POU2F1: variants seen among roughly 807,000 people sequenced by gnomAD.
The protein encoded by POU2F1 is POU class 2 homeobox 1.
In POU2F1, 16 loss-of-function variants were observed where a neutral mutation model predicts 84.9. The observed-to-expected ratio is 0.19, with a 90% confidence interval of 0.13 to 0.29. The LOEUF (loss-of-function observed/expected upper bound fraction) is 0.29, where lower values mean the gene tolerates loss of function less well. Ranked by LOEUF, POU2F1 falls within the 10% of genes least tolerant of loss-of-function variation. The pLI, the probability that POU2F1 is intolerant of heterozygous loss-of-function variation, is 1.00. For synonymous variants in POU2F1, 368 were observed against 368.3 expected, an observed-to-expected ratio of 1.00 and a Z score of 0.01; for missense variants, 738 against 942.6, an observed-to-expected ratio of 0.78 and a Z score of 2.84.
At chr1:167,354,676 G>A (rs542298656) in intron 2 of POU2F1, among the ~76,000 whole-genome samples, 31 of 152,256 alleles carry the variant, frequency 2.0e-4, no homozygotes, top group African/African-American at 7.5e-4. Flanking sequence ...GGTTTATACT[G>A]CTACTAATAG....
At chr1:167,290,566 C>G (rs1384791561) in intron 1 of POU2F1, among the ~76,000 whole-genome samples, 1 of 152,226 alleles carries the variant, frequency 6.6e-6, no homozygotes, top group Non-Finnish European at 1.5e-5. Context: ...GTCTCAAGGT[C>G]AGAATCATGT....
At chr1:167,317,725 A>G (rs1165839098) in intron 1 of POU2F1, among the ~76,000 whole-genome samples, 1 of 152,134 alleles carries the variant, frequency 6.6e-6, no homozygotes, top group African/African-American at 2.4e-5. Context: ...CTTCCGGTAA[A>G]CCAACAACCT....
Position 167,410,509 on chromosome 1 carries a change from G to GTTA in POU2F1, c.1556-1429_1556-1427dup, listed in dbSNP as rs143839688. Among the ~76,000 whole-genome samples the GTTA allele has an allele frequency of 1.3e-3, 170 of 128,890 alleles. 1 individual carries two copies. The highest frequency in any genetic ancestry group is 6.4e-4 in the Non-Finnish European group (43 of 67,582). The allele number at this position is 128,890 out of a possible 152,430, so 84.6% of individuals were successfully genotyped here. On this transcript the variant is annotated intron_variant, in intron 13 of 15. Transcript: ENST00000367866. ...GTAAAAGATTTCATCACCAAAAAAT[G>GTTA]TTATTATTATTATTATTATTATTTT...
At chr1:167,333,347 A>C (rs538612219) in intron 2 of POU2F1, among the ~76,000 whole-genome samples, 1 of 152,280 alleles carries the variant, frequency 6.6e-6, no homozygotes, top group African/African-American at 2.4e-5. Context: ...TAAAGGTATA[A>C]ATCAAAATAT....
intron 1 of POU2F1, among the ~76,000 whole-genome samples, chr1:167,273,979 CTA>C (rs2102477009): frequency 6.6e-6 from 1 of 152,262 alleles, no homozygotes; most frequent in East Asian, 1.9e-4. Context: ...TGTTTAATCT[CTA>C]TGTGAAAAAA....
chr1:167,235,039 T>C (rs1391830731), intron 1 of POU2F1, among the ~76,000 whole-genome samples: 2 of 152,210 alleles, frequency 1.3e-5, no homozygotes, highest in Admixed American at 6.5e-5. Flanking sequence ...TAGCTTTCAG[T>C]TGAGGAAACA....
chr1:167,336,232 T>C (rs1447724898), intron 2 of POU2F1, among the ~76,000 whole-genome samples: 1 of 152,234 alleles, frequency 6.6e-6, no homozygotes, highest in Non-Finnish European at 1.5e-5. Context: ...CGTAATTGGA[T>C]AAAATTAACT....
intron 1 of POU2F1, among the ~76,000 whole-genome samples, chr1:167,291,219 A>T (rs1188638775): frequency 6.6e-6 from 1 of 152,100 alleles, no homozygotes; most frequent in Non-Finnish European, 1.5e-5. Context: ...CTTGCACATC[A>T]TTTTCTTATT....
intron 1 of POU2F1, among the ~76,000 whole-genome samples, chr1:167,253,468 C>T (rs1250806263): frequency 1.3e-5 from 2 of 149,742 alleles, no homozygotes; most frequent in Non-Finnish European, 1.5e-5. Context: ...CTCTGTCACC[C>T]GGGCTGGAGT....
At chr1:167,312,090 A>G (rs1391833191) in intron 1 of POU2F1, among the ~76,000 whole-genome samples, 1 of 152,034 alleles carries the variant, frequency 6.6e-6, no homozygotes, top group Non-Finnish European at 1.5e-5. Flanking sequence ...ATGCGCCACC[A>G]CGCTCGGCTA....
chr1:167,304,690 AT>A (rs1245979787), intron 1 of POU2F1, among the ~76,000 whole-genome samples: 2 of 152,250 alleles, frequency 1.3e-5, no homozygotes, highest in Non-Finnish European at 2.9e-5. Flanking sequence ...TATGAATCTT[AT>A]CCCCCTTTAA....
intron 1 of POU2F1, among the ~76,000 whole-genome samples, chr1:167,223,881 A>G (rs1483165394): frequency 2.0e-5 from 3 of 152,222 alleles, no homozygotes; most frequent in Non-Finnish European, 4.4e-5. Flanking sequence ...GATGTGGTCA[A>G]ACTGATGATG....
rs79197951 is a variant in POU2F1, at chr1:167,382,516, A to G, written c.719-1341A>G. On this transcript the variant is annotated intron_variant, in intron 7 of 15. Transcript: ENST00000367866. Reference sequence around the variant, plus strand: ...CAGGGCCAGATACCTAGGGCTGCATAGATTTTGTTCTAATTCTAATATAAG... The same window carrying G: ...CAGGGCCAGATACCTAGGGCTGCATGGATTTTGTTCTAATTCTAATATAAG... Among the ~76,000 whole-genome samples, 564 of 152,294 alleles carry G rather than the reference A, an allele frequency of 3.7e-3. 11 individuals carry two copies. In the East Asian group the frequency reaches 0.057, roughly 15 times the overall value.
chr1:167,354,763 G>A (rs1241740293), intron 2 of POU2F1, among the ~76,000 whole-genome samples: 1 of 152,070 alleles, frequency 6.6e-6, no homozygotes, highest in African/African-American at 2.4e-5. Context: ...GTTTTAATTT[G>A]CATTTCCATA....
Position 167,332,017 on chromosome 1 carries a change from A to G in POU2F1, c.62-453A>G, listed in dbSNP as rs576372837. Among the ~76,000 whole-genome samples, 37 of 152,202 alleles carry G rather than the reference A, an allele frequency of 2.4e-4. No individual in the cohort carries two copies. The South Asian group carries it at 7.1e-3, about 29-fold the overall frequency. On this transcript the variant is annotated intron_variant, in intron 1 of 15. Transcript: ENST00000367866. The stretch of plus-strand genomic sequence containing the variant: ...AGGTTGAGTTACTGTCCCATCTTTT[A>G]TCAAGATTACCAGTGGGTTGTTTTG...
At chr1:167,401,252 T>C (rs1649186403) in intron 12 of POU2F1, among the ~76,000 whole-genome samples, 199 bp from the exon 13 acceptor site, 1 of 152,194 alleles carries the variant, frequency 6.6e-6, no homozygotes, top group South Asian at 2.1e-4. Context: ...TATTGAAATT[T>C]ACGAACTTTT....
At chr1:167,221,093 G>A in intron 1 of POU2F1, 135 bp downstream of exon 1, 2 of 856,790 alleles carry the variant, frequency 2.3e-6, no homozygotes, top group South Asian at 1.7e-5. Flanking sequence ...GGGCCGGGGA[G>A]CATTGAGCCC....
intron 1 of POU2F1, among the ~76,000 whole-genome samples, chr1:167,280,167 G>A (rs375644364): frequency 4.1e-5 from 6 of 147,826 alleles, no homozygotes; most frequent in African/African-American, 9.9e-5. Context: ...CAGCCTGGGC[G>A]ACAGAGTGAT....
At chr1:167,373,488 G>A (rs1317476522) in intron 5 of POU2F1, among the ~76,000 whole-genome samples, 2 of 152,126 alleles carry the variant, frequency 1.3e-5, no homozygotes, top group African/African-American at 4.8e-5. Context: ...TAAAGAGAAC[G>A]GCTATCACCA....
Sources: allele counts gnomAD v4.1 joint callset (sites outside exome capture counted in the v4.1 genomes callset), GRCh38; gene constraint gnomAD v4.1.1; transcripts MANE v1.5; gene names NCBI Gene and HGNC (gene_info 2026-07-23, HGNC 2026-07-21).